PEX14: variants seen among roughly 807,000 people sequenced by gnomAD.
PEX14 encodes peroxisomal membrane protein PEX14.
PEX14 carries 15 observed loss-of-function variants against 49.5 expected under a neutral mutation model. That is an observed-to-expected ratio of 0.30 (90% confidence interval 0.20 to 0.47). The LOEUF is 0.47. PEX14 is among the 20% of genes least tolerant of loss of function. The pLI is 1.00. For synonymous variants in PEX14, 210 were observed against 212.7 expected (o/e 0.99, Z 0.11); for missense variants, 398 against 494.8 (o/e 0.80, Z 1.86).
At chr1:10,592,430 T>C (rs1210010955) in intron 3 of PEX14, among the ~76,000 whole-genome samples, 1 of 152,202 alleles carries the variant, frequency 6.6e-6, no homozygotes, top group East Asian at 1.9e-4. Flanking sequence ...AAAAAACCTT[T>C]AGATTATATA....
In PEX14 at chr1:10,629,820, A is replaced by T. The variant is rs368244738; in HGVS notation, c.967A>T (p.Lys323Ter). Residue 323 changes from lysine (K) to a stop codon, truncating the protein, a stop_gained, in exon 9 of 9, where the codon AAG becomes TAG. Transcript: ENST00000356607. LOFTEE classifies it high-confidence loss of function. The surrounding 1 kb of genome is among the most constrained non-coding windows in gnomAD (Gnocchi z 8.5). ...VQGEEEKRED[K>*]EDEEDEEDDD... Reference sequence around the variant, plus strand: ...AGGCGAGGAGGAGAAGAGGGAGGACAAGGAGGACGAGGAGGATGAGGAGGA... The same window carrying T: ...AGGCGAGGAGGAGAAGAGGGAGGACTAGGAGGACGAGGAGGATGAGGAGGA... 1 of 1,595,248 alleles carries T rather than the reference A, an allele frequency of 6.3e-7. No homozygotes were observed. The highest frequency in any genetic ancestry group is 8.6e-7 in the Non-Finnish European group (1 of 1,166,036).
chr1:10,554,927 G>C (rs1014649355), intron 3 of PEX14, among the ~76,000 whole-genome samples: 5 of 152,116 alleles, frequency 3.3e-5, no homozygotes, highest in Admixed American at 2.6e-4. Context: ...ATGTTTCCCA[G>C]GCTGGCTGTA....
chr1:10,578,295 A>C (rs1284740739), intron 3 of PEX14, among the ~76,000 whole-genome samples: 1 of 152,146 alleles, frequency 6.6e-6, no homozygotes, highest in African/African-American at 2.4e-5. Flanking sequence ...GTTAGAGGCG[A>C]TTCGATAAAC....
intron 2 of PEX14, among the ~76,000 whole-genome samples, chr1:10,506,465 C>T (rs617728): frequency 0.27 from 40,756 of 151,936 alleles, 5,991 homozygotes; most frequent in Admixed American, 0.37. Flanking sequence ...TTTTTAGAGA[C>T]GAGGTTTCTG....
chr1:10,616,369 A>C (rs1415901265), intron 4 of PEX14, among the ~76,000 whole-genome samples: 1 of 152,202 alleles, frequency 6.6e-6, no homozygotes, highest in African/African-American at 2.4e-5. Context: ...GAAAACTTAC[A>C]GGCACAGGTG....
Position 10,630,439 on chromosome 1 carries a change from C to T in PEX14, c.*452C>T. On this transcript the variant is annotated 3_prime_UTR_variant, in exon 9 of 9. Coordinates refer to ENST00000356607, the MANE Select transcript of PEX14 (RefSeq NM_004565.3). This position sits in a 1 kb window ranked among gnomAD's most constrained non-coding sequence, Gnocchi z 4.1. Reference sequence around the variant, plus strand: ...TCCCTCTGGTGTCTGCCATCCCCCTCCCTCCCTGGGCCCGGCCCTGGACCC... The same window carrying T: ...TCCCTCTGGTGTCTGCCATCCCCCTTCCTCCCTGGGCCCGGCCCTGGACCC... 5.5e-6 allele frequency: 1 copy of T among 183,140 alleles called. No individual in the cohort carries two copies. The highest frequency in any genetic ancestry group is 1.2e-5 in the Non-Finnish European group (1 of 86,494). The allele number at this position is 183,140 out of a possible 1,614,324, so 11.3% of individuals were successfully genotyped here.
Position 10,624,355 on chromosome 1 carries a change from C to A in PEX14, c.503C>A (p.Thr168Lys). ...CTCCTCGCAGTGACTCAGTTACAGA[C>A]GACCCTCGCCTCCGTCCAGGAGCTG... ...SVAQTVTQLQ[T>K]TLASVQELLI... The change falls in exon 7 of 9, where the codon ACG becomes AAG. Residue 168 changes from threonine (T) to lysine (K), a missense_variant. Coordinates refer to ENST00000356607, the MANE Select transcript of PEX14 (RefSeq NM_004565.3). The A allele has an allele frequency of 6.2e-7, 1 of 1,612,494 alleles. No individual in the cohort carries two copies. Among genetic ancestry groups the A allele is most frequent in the East Asian group, 2.2e-5 (1 of 44,872 alleles).
chr1:10,507,743 G>A lies in PEX14; in HGVS notation c.84+12422G>A, dbSNP rs72869153. Among the ~76,000 whole-genome samples the A allele has an allele frequency of 7.5e-3, 1,138 of 152,242 alleles. 16 individuals are homozygous for A. Among genetic ancestry groups the A allele is most frequent in the African/African-American group, 0.026 (1,072 of 41,542 alleles). On this transcript the variant is annotated intron_variant, in intron 2 of 8. Transcript: ENST00000356607. The stretch of plus-strand genomic sequence containing the variant: ...GGTCTCCAGGGAGTCACTGGAATCC[G>A]CATAAGTAAAGAAAATACAATATCC...
At chr1:10,505,124 G>C (rs1641759108) in intron 2 of PEX14, among the ~76,000 whole-genome samples, 1 of 152,092 alleles carries the variant, frequency 6.6e-6, no homozygotes, top group Non-Finnish European at 1.5e-5. Context: ...CATTTAACTA[G>C]CATTTACCGA....
intron 3 of PEX14, among the ~76,000 whole-genome samples, chr1:10,577,525 TATAC>T (rs1256311912): frequency 8.3e-5 from 2 of 24,204 alleles, no homozygotes; most frequent in African/African-American, 2.2e-4. Context: ...TTTTGGACAC[TATAC>T]ATATATATAT....
At position 10,629,624 on chromosome 1, in the gene PEX14, C is replaced by T. The variant is rs778317256; in HGVS notation, c.771C>T (p.Asn257=). The part of the protein sequence containing the change: ...SPSPSSPAAV[N]HHSSSDISPV... Reference sequence around the variant, plus strand: ...CACCCTCCAGCCCTGCGGCCGTGAACCACCACAGCAGCAGCGACATCTCAC... The same window carrying T: ...CACCCTCCAGCCCTGCGGCCGTGAATCACCACAGCAGCAGCGACATCTCAC... Residue 257 remains asparagine, a synonymous_variant, in exon 9 of 9, where the codon AAC becomes AAT. Transcript: ENST00000356607. This position sits in a 1 kb window ranked among gnomAD's most constrained non-coding sequence, Gnocchi z 8.5. 5 of 1,613,964 alleles carry T rather than the reference C, an allele frequency of 3.1e-6. No individual in the cohort carries two copies. In the South Asian group the frequency reaches 4.4e-5, roughly 14 times the overall value.
intron 3 of PEX14, among the ~76,000 whole-genome samples, chr1:10,555,925 G>A (rs78432262): frequency 0.036 from 5,430 of 152,210 alleles, 123 homozygotes; most frequent in Non-Finnish European, 0.055. Context: ...AAAGACACAA[G>A]CATTAGGGGA....
chr1:10,618,461 C>G (rs770953586), intron 5 of PEX14, 44 bp downstream of exon 5: 8 of 1,412,784 alleles, frequency 5.7e-6, no homozygotes, highest in Non-Finnish European at 7.0e-6. Context: ...CCCTGCCACC[C>G]TGTGGCATTC....
In PEX14 at chr1:10,623,200, C is replaced by T; in HGVS notation, c.487+79C>T. The stretch of plus-strand genomic sequence containing the variant: ...CCTTCTCTGCCCCTCCCCTCTCCCT[C>T]TGTCTCCACTCTATGTGGTGACTTC... On this transcript the variant is annotated intron_variant, in intron 6 of 8. Coordinates refer to ENST00000356607, the MANE Select transcript of PEX14 (RefSeq NM_004565.3). This position sits in a 1 kb window ranked among gnomAD's most constrained non-coding sequence, Gnocchi z 4.4. The T allele has an allele frequency of 2.3e-6, 2 of 866,052 alleles. No homozygotes were observed. Among genetic ancestry groups the T allele is most frequent in the Non-Finnish European group, 3.9e-6 (2 of 517,348 alleles). The allele number at this position is 866,052 out of a possible 1,614,324, so 53.6% of individuals were successfully genotyped here.
intron 1 of PEX14, among the ~76,000 whole-genome samples, chr1:10,484,597 A>G (rs1043528660): frequency 1.3e-5 from 2 of 151,768 alleles, no homozygotes; most frequent in Non-Finnish European, 2.9e-5. Context: ...CAGTATTACC[A>G]CAAATTTAGC....
chr1:10,622,236 G>T (rs931994060), intron 5 of PEX14, among the ~76,000 whole-genome samples: 1 of 152,174 alleles, frequency 6.6e-6, no homozygotes, highest in Non-Finnish European at 1.5e-5. Flanking sequence ...GCCCCTGTGA[G>T]GGGTGGCCCT....
intron 2 of PEX14, among the ~76,000 whole-genome samples, chr1:10,530,258 TAA>T (rs1638608405): frequency 6.6e-6 from 1 of 152,134 alleles, no homozygotes; most frequent in Non-Finnish European, 1.5e-5. Flanking sequence ...AAATTGAAAA[TAA>T]AAGAGGAAAA....
chr1:10,571,505 T>C (rs963099566), intron 3 of PEX14, among the ~76,000 whole-genome samples: 8 of 152,008 alleles, frequency 5.3e-5, no homozygotes, highest in African/African-American at 1.4e-4. Context: ...TGCTGAACCA[T>C]ACATTAAAAA....
chr1:10,598,372 G>C (rs1386589885), intron 3 of PEX14, among the ~76,000 whole-genome samples: 1 of 152,192 alleles, frequency 6.6e-6, no homozygotes, highest in Non-Finnish European at 1.5e-5. Context: ...AAGAGTCAGT[G>C]TCCCAAATTG....
Sources: gnomAD v4.1 joint callset for allele counts (sites outside exome capture counted in the v4.1 genomes callset) on GRCh38, gnomAD v4.1.1 for gene constraint, Gnocchi (gnomAD v3.1) non-coding constraint, MANE v1.5 for transcripts, NCBI Gene and HGNC (gene_info 2026-07-23, HGNC 2026-07-21) for gene names.